The following NELL1 variants were observed in gnomAD, a reference collection of about 807,000 sequenced individuals.
The protein encoded by NELL1 is neural EGFL like 1.
A neutral mutation model predicts 107.4 loss-of-function variants in NELL1; 76 were observed. The observed-to-expected ratio is 0.71, with a 90% CI of 0.59 to 0.86. The LOEUF is 0.86. NELL1 is among the 40% of genes least tolerant of loss of function. The pLI, the probability that NELL1 is intolerant of heterozygous loss-of-function variation, is 0.00. For missense variants in NELL1, 1,024 were observed against 1,005.5 expected, an observed-to-expected ratio of 1.02 and a Z score of -0.25; for synonymous variants, 353 against 341.2, an observed-to-expected ratio of 1.03 and a Z score of -0.38.
chr11:20,676,767 G>A (rs574691715), intron 1 of NELL1, among the ~76,000 whole-genome samples: 6 of 152,312 alleles, frequency 3.9e-5, no homozygotes, highest in South Asian at 2.1e-4. Flanking sequence ...GAACATTCAC[G>A]CAGTGGGTAC....
intron 2 of NELL1, among the ~76,000 whole-genome samples, chr11:20,755,540 G>GTTTTTTTT (rs1463795241): frequency 5.2e-5 from 1 of 19,148 alleles, no homozygotes; most frequent in African/African-American, 9.7e-5. Flanking sequence ...GTGGGTTTTT[G>GTTTTTTTT]TTTTTTTTTG....
intron 7 of NELL1, among the ~76,000 whole-genome samples, chr11:20,920,280 A>T (rs1334649916): frequency 6.6e-6 from 1 of 152,114 alleles, no homozygotes; most frequent in Admixed American, 6.6e-5. Flanking sequence ...TTGTACCTGC[A>T]GCTAAGACTG....
chr11:21,444,436 A>G (rs541055890), intron 15 of NELL1, among the ~76,000 whole-genome samples: 5 of 152,278 alleles, frequency 3.3e-5, no homozygotes, highest in South Asian at 2.1e-4. Flanking sequence ...CAGGATTTAT[A>G]CTTACTGATA....
chr11:21,232,309 G>A (rs2133887728), intron 14 of NELL1, among the ~76,000 whole-genome samples: 1 of 143,414 alleles, frequency 7.0e-6, no homozygotes, highest in Admixed American at 7.1e-5. Flanking sequence ...CAGCCTGGGG[G>A]ACAGAGCAAC....
At chr11:20,713,994 G>A (rs954293093) in intron 2 of NELL1, among the ~76,000 whole-genome samples, 9 of 151,920 alleles carry the variant, frequency 5.9e-5, no homozygotes, top group African/African-American at 1.2e-4. Flanking sequence ...CTCACCCTTC[G>A]GGAACTCAGT....
intron 14 of NELL1, among the ~76,000 whole-genome samples, chr11:21,265,049 T>A (rs962760797): frequency 6.6e-6 from 1 of 151,976 alleles, no homozygotes; most frequent in Non-Finnish European, 1.5e-5. Flanking sequence ...CTGTAATGTT[T>A]AGTTAGAAGG....
intron 2 of NELL1, among the ~76,000 whole-genome samples, chr11:20,771,575 A>G (rs1856641774): frequency 6.6e-6 from 1 of 152,148 alleles, no homozygotes; most frequent in African/African-American, 2.4e-5. Context: ...GATTCCTGAT[A>G]GAAAAGTCAT....
Position 20,835,443 on chromosome 11 carries a change from A to G in NELL1, c.336-12140A>G, listed in dbSNP as rs557586374. On this transcript the variant is annotated intron_variant, in intron 3 of 19. Coordinates refer to ENST00000357134, the MANE Select transcript of NELL1 (RefSeq NM_006157.5). ...GAAAATGGGCCTTTACCTAGTTGTA[A>G]TTTGAATTTGTGTTGTAGATAAGTG... Among the ~76,000 whole-genome samples, 13 of 152,306 alleles carry G rather than the reference A, an allele frequency of 8.5e-5. No individual in the cohort carries two copies. In the East Asian group the frequency reaches 2.3e-3, roughly 27 times the overall value.
intron 15 of NELL1, among the ~76,000 whole-genome samples, chr11:21,408,086 C>T (rs2133806428): frequency 6.6e-6 from 1 of 151,968 alleles, no homozygotes; most frequent in East Asian, 1.9e-4. Flanking sequence ...GATTATTGTG[C>T]TCATGGAGAG....
intron 15 of NELL1, among the ~76,000 whole-genome samples, chr11:21,501,744 C>T (rs1855148764): frequency 6.6e-6 from 1 of 152,176 alleles, no homozygotes. Context: ...GGGCTTCATT[C>T]ACTATTCACA....
At chr11:21,397,838 T>C (rs997274382) in intron 15 of NELL1, among the ~76,000 whole-genome samples, 5 of 151,434 alleles carry the variant, frequency 3.3e-5, no homozygotes, top group Non-Finnish European at 7.4e-5. Flanking sequence ...ACAACTGCCC[T>C]TATATTAGAG....
chr11:21,197,064 G>A (rs1260992141), intron 13 of NELL1, among the ~76,000 whole-genome samples: 29 of 150,740 alleles, frequency 1.9e-4, no homozygotes, highest in Admixed American at 1.7e-3. Flanking sequence ...TAGAGATGGG[G>A]TTTCACCATA....
intron 13 of NELL1, among the ~76,000 whole-genome samples, chr11:21,215,468 G>A (rs1384763116): frequency 6.6e-6 from 1 of 152,230 alleles, no homozygotes. Flanking sequence ...AGTGACTTTG[G>A]AACTGGGTAA....
At chr11:20,751,354 T>C (rs1564893065) in intron 2 of NELL1, among the ~76,000 whole-genome samples, 1 of 152,258 alleles carries the variant, frequency 6.6e-6, no homozygotes, top group Non-Finnish European at 1.5e-5. Flanking sequence ...TAATACAATA[T>C]TGAGTTTTCC....
chr11:21,490,712 C>T (rs1002925945), intron 15 of NELL1, among the ~76,000 whole-genome samples: 4 of 151,712 alleles, frequency 2.6e-5, no homozygotes, highest in Non-Finnish European at 4.4e-5. Flanking sequence ...GAACACGGTC[C>T]TCAATAAATG....
At chr11:21,252,239 G>A (rs1248761470) in intron 14 of NELL1, among the ~76,000 whole-genome samples, 3 of 152,120 alleles carry the variant, frequency 2.0e-5, no homozygotes, top group Admixed American at 2.0e-4. Flanking sequence ...ACAGAGGCTA[G>A]GTAACTAGGA....
At chr11:20,877,617 A>C (rs10741857) in intron 4 of NELL1, among the ~76,000 whole-genome samples, 1 of 152,058 alleles carries the variant, frequency 6.6e-6, no homozygotes, top group African/African-American at 2.4e-5. Context: ...CCAAAGTCAC[A>C]AATTAAGAGA....
intron 7 of NELL1, 82 bp from the exon 8 acceptor site, chr11:20,927,226 A>C: frequency 7.4e-7 from 1 of 1,342,332 alleles, no homozygotes; most frequent in African/African-American, 1.5e-5. Context: ...TCTCAGAAGG[A>C]TTTTTTTTCT....
At chr11:20,676,038 C>T (rs949650495) in intron 1 of NELL1, among the ~76,000 whole-genome samples, 4 of 152,114 alleles carry the variant, frequency 2.6e-5, no homozygotes, top group South Asian at 4.1e-4. Context: ...TGTGAGCCAC[C>T]GTGCCTGGGT....
Sources: gnomAD v4.1 joint callset for allele counts (sites outside exome capture counted in the v4.1 genomes callset) on GRCh38, gnomAD v4.1.1 for gene constraint, MANE v1.5 for transcripts, NCBI Gene and HGNC (gene_info 2026-07-23, HGNC 2026-07-21) for gene names.